The following PMVK variants were observed in gnomAD, a reference collection of about 807,000 sequenced individuals.
PMVK encodes the protein phosphomevalonate kinase.
In PMVK, 10 loss-of-function variants were observed where a neutral mutation model predicts 19.0. The observed-to-expected ratio is 0.53, with a 90% confidence interval of 0.32 to 0.89. PMVK has a LOEUF of 0.89. Ranked by LOEUF, PMVK falls within the 40% of genes least tolerant of loss-of-function variation. The pLI is 0.03. For missense variants in PMVK, 222 were observed against 251.1 expected (o/e 0.88, Z 0.78); for synonymous variants, 108 against 101.6 (o/e 1.06, Z -0.38).
chr1:154,927,019 A>G (rs1654185091), intron 3 of PMVK, among the ~76,000 whole-genome samples: 1 of 152,154 alleles, frequency 6.6e-6, no homozygotes, highest in South Asian at 2.1e-4. Flanking sequence ...AATCCTTGGT[A>G]TAGTCTCTCA....
At chr1:154,928,339 G>A (rs565214910) in intron 3 of PMVK, among the ~76,000 whole-genome samples, 1 of 152,302 alleles carries the variant, frequency 6.6e-6, no homozygotes, top group South Asian at 2.1e-4. Context: ...GGAGTAAGGA[G>A]GCTAAAAAAG....
chr1:154,927,866 G>A (rs1393132182), intron 3 of PMVK, among the ~76,000 whole-genome samples: 3 of 151,080 alleles, frequency 2.0e-5, no homozygotes, highest in Admixed American at 1.3e-4. Context: ...AAACAGCAAC[G>A]CTTCCCTATC....
At chr1:154,927,210 G>A (rs1654190844) in intron 3 of PMVK, among the ~76,000 whole-genome samples, 1 of 151,962 alleles carries the variant, frequency 6.6e-6, no homozygotes, top group South Asian at 2.1e-4. Context: ...CAGCATTTTG[G>A]GAGGCCGAGG....
chr1:154,938,409 G>A (rs1255193468), upstream of PMVK, among the ~76,000 whole-genome samples: 1 of 152,166 alleles, frequency 6.6e-6, no homozygotes, highest in Non-Finnish European at 1.5e-5. Flanking sequence ...GGCCAGCATG[G>A]TGAAACCCCA....
chr1:154,937,248 G>C (rs951363485), upstream of PMVK: 1 of 154,104 alleles, frequency 6.5e-6, no homozygotes, highest in Non-Finnish European at 1.5e-5. Context: ...GGGTCTTCCT[G>C]GGGGCGTAAG....
intron 1 of PMVK, among the ~76,000 whole-genome samples, chr1:154,936,122 G>A (rs1481172586): frequency 6.6e-6 from 1 of 152,126 alleles, no homozygotes; most frequent in Non-Finnish European, 1.5e-5. Flanking sequence ...TCGCTCTGTC[G>A]CCCAGGCTGG....
chr1:154,931,346 A>G (rs1350187465), intron 2 of PMVK, among the ~76,000 whole-genome samples: 1 of 152,178 alleles, frequency 6.6e-6, no homozygotes. Flanking sequence ...AGGGCTCTTC[A>G]CCATGTGGGA....
chr1:154,940,967 C>T (rs1325862358), upstream of PMVK, among the ~76,000 whole-genome samples: 1 of 152,198 alleles, frequency 6.6e-6, no homozygotes, highest in Non-Finnish European at 1.5e-5. Context: ...ATGTATCTTA[C>T]ATTGACTCAT....
At chr1:154,932,286 G>C in intron 2 of PMVK, 66 bp downstream of exon 2, 2 of 1,158,652 alleles carry the variant, frequency 1.7e-6, no homozygotes, top group South Asian at 2.5e-5. Flanking sequence ...TCAGGCAGCA[G>C]CCACAGCTCC....
At chr1:154,940,928 C>G (rs6686873), upstream of PMVK, among the ~76,000 whole-genome samples, 80,332 of 152,054 alleles carry the variant, frequency 0.53, 22,452 homozygotes, top group East Asian at 0.88. Context: ...TGCTCTGTTT[C>G]AGTGCCCTTT....
At chr1:154,931,176 G>C (rs138216179) in intron 2 of PMVK, among the ~76,000 whole-genome samples, 19 of 152,310 alleles carry the variant, frequency 1.2e-4, no homozygotes, top group African/African-American at 3.6e-4. Context: ...CAGCTGGTGA[G>C]AGATGACCCA....
At chr1:154,935,011 G>A (rs1051861706) in intron 1 of PMVK, among the ~76,000 whole-genome samples, 11 of 133,342 alleles carry the variant, frequency 8.2e-5, no homozygotes, top group Non-Finnish European at 1.7e-4. Flanking sequence ...GCGGTGAGCC[G>A]CAACCTGGGT....
intron 1 of PMVK, among the ~76,000 whole-genome samples, chr1:154,933,325 C>T (rs1470947003): frequency 1.3e-5 from 2 of 151,070 alleles, no homozygotes; most frequent in African/African-American, 2.4e-5. Context: ...CCCAGCTACT[C>T]GGGAGGCTGA....
chr1:154,940,962 T>A (rs151030993), upstream of PMVK, among the ~76,000 whole-genome samples: 1 of 152,328 alleles, frequency 6.6e-6, no homozygotes, highest in East Asian at 1.9e-4. Context: ...TTTTCATGTA[T>A]CTTACATTGA....
chr1:154,939,529 C>CA (rs758991710), upstream of PMVK, among the ~76,000 whole-genome samples: 1,201 of 136,266 alleles, frequency 8.8e-3, 15 homozygotes, highest in African/African-American at 0.025. Context: ...ACTAAAAATA[C>CA]AAAAAAAAAA....
upstream of PMVK, among the ~76,000 whole-genome samples, chr1:154,938,527 C>G (rs749374485): frequency 4.6e-5 from 7 of 152,126 alleles, no homozygotes; most frequent in Non-Finnish European, 1.0e-4. Flanking sequence ...ACCTGGGAGG[C>G]AGAGGTTGCA....
chr1:154,935,491 G>A (rs963044824), intron 1 of PMVK, among the ~76,000 whole-genome samples: 1 of 152,172 alleles, frequency 6.6e-6, no homozygotes, highest in Non-Finnish European at 1.5e-5. Context: ...ATTATTATTT[G>A]GGGAGGCAGC....
chr1:154,937,337 C>G (rs1654542118), upstream of PMVK: 2 of 152,336 alleles, frequency 1.3e-5, no homozygotes, highest in Admixed American at 6.5e-5. Context: ...ATTTCATTGT[C>G]AAGCAGATTT....
chr1:154,936,482 G>A, intron 1 of PMVK, 109 bp downstream of exon 1: 2 of 1,502,876 alleles, frequency 1.3e-6, no homozygotes, highest in Non-Finnish European at 8.9e-7. Flanking sequence ...CTCCTGCCTT[G>A]CAAACGGACG....
Sources: allele counts gnomAD v4.1 joint callset (sites outside exome capture counted in the v4.1 genomes callset), GRCh38; gene constraint gnomAD v4.1.1; transcripts MANE v1.5; gene names NCBI Gene and HGNC (gene_info 2026-07-23, HGNC 2026-07-21).